FIG4: variants seen among roughly 807,000 people sequenced by gnomAD.
The protein encoded by FIG4 is FIG4 phosphoinositide 5-phosphatase.
FIG4 carries 112 observed loss-of-function variants against 118.6 expected under a neutral mutation model. The observed-to-expected ratio is 0.94, with a 90% CI of 0.81 to 1.11. The LOEUF is 1.11. FIG4 is among the 50% of genes least tolerant of loss of function. FIG4 has a pLI of 0.00. For missense variants in FIG4, 969 were observed against 1,111.7 expected, an observed-to-expected ratio of 0.87 and a Z score of 1.83; for synonymous variants, 369 against 381.2, an observed-to-expected ratio of 0.97 and a Z score of 0.37.
intron 22 of FIG4, among the ~76,000 whole-genome samples, chr6:109,813,254 C>T (rs1454322994): frequency 6.6e-6 from 1 of 152,044 alleles, no homozygotes; most frequent in East Asian, 1.9e-4. Context: ...CTGATATCCT[C>T]TCTCTCTCTA....
chr6:109,810,758 C>G (rs1003951042), intron 22 of FIG4, among the ~76,000 whole-genome samples: 6 of 152,178 alleles, frequency 3.9e-5, no homozygotes, highest in Admixed American at 6.5e-5. Context: ...TTTCCCTCAT[C>G]TTATTAAATA....
intron 10 of FIG4, among the ~76,000 whole-genome samples, chr6:109,758,740 A>T (rs1234624131): frequency 6.6e-6 from 1 of 152,222 alleles, no homozygotes; most frequent in Non-Finnish European, 1.5e-5. Flanking sequence ...AGAATCTACA[A>T]GGAACTTAAA....
rs755836381 is a variant in FIG4, at chr6:109,765,011, A to T, written c.1435-2A>T. 6.2e-7 allele frequency: 1 copy of T among 1,613,334 alleles called. No homozygotes were observed. Among genetic ancestry groups the T allele is most frequent in the South Asian group, 1.1e-5 (1 of 91,068 alleles). On this transcript the variant is annotated splice_acceptor_variant, in intron 13 of 22. Coordinates refer to ENST00000230124, the MANE Select transcript of FIG4 (RefSeq NM_014845.6). LOFTEE classifies it high-confidence loss of function. ...TGAAAATCTTAAGGTATTTCTCTTT[A>T]GACTGGCATCCTTCGAACCAACTGT...
intron 4 of FIG4, among the ~76,000 whole-genome samples, chr6:109,728,068 T>G (rs1775875183): frequency 6.6e-6 from 1 of 152,218 alleles, no homozygotes; most frequent in Non-Finnish European, 1.5e-5. Context: ...TGATCTTGAA[T>G]CAGTATTTAA....
chr6:109,749,104 T>TGTGTGTGTG (rs1203351746), intron 10 of FIG4, among the ~76,000 whole-genome samples: 39 of 143,672 alleles, frequency 2.7e-4, no homozygotes, highest in East Asian at 7.9e-4. Context: ...TGTGTGTGTG[T>TGTGTGTGTG]TTTAAATCAA....
In FIG4 at chr6:109,760,337, C is replaced by T. The variant is rs748995164; in HGVS notation, c.1225C>T (p.His409Tyr). The change falls in exon 11 of 23, where the codon CAC becomes TAC. Residue 409 changes from histidine to tyrosine, a missense_variant. By Grantham distance (83) the His-to-Tyr change is moderately conservative. Around this residue, in one of 3 missense-constraint regions of FIG4, gnomAD observed 246 missense variants for 354.3 expected, o/e 0.69. Transcript: ENST00000230124. Reference protein sequence around the residue: ...TYLNQFLPPEHTIVYIPWDMA... With the variant: ...TYLNQFLPPEYTIVYIPWDMA... ...TCTCAACCAATTTTTGCCTCCTGAG[C>T]ACACTATTGTTTATATTCCCTGGGA... 1 of 1,612,484 alleles carries T rather than the reference C, an allele frequency of 6.2e-7. No individual in the cohort carries two copies. The highest frequency in any genetic ancestry group is 8.5e-7 in the Non-Finnish European group (1 of 1,178,518).
chr6:109,745,487 G>T (rs1562658130), intron 10 of FIG4, among the ~76,000 whole-genome samples: 1 of 151,958 alleles, frequency 6.6e-6, no homozygotes, highest in Non-Finnish European at 1.5e-5. Context: ...TTTTTGATGG[G>T]GTTGTTTTTT....
At chr6:109,759,981 T>C (rs1220923308) in intron 10 of FIG4, among the ~76,000 whole-genome samples, 1 of 152,112 alleles carries the variant, frequency 6.6e-6, no homozygotes. Flanking sequence ...CCACGTTGGG[T>C]AAGCTGGGTT....
chr6:109,731,380 A>G (rs1240944840), intron 4 of FIG4, among the ~76,000 whole-genome samples: 1 of 152,206 alleles, frequency 6.6e-6, no homozygotes, highest in East Asian at 1.9e-4. Flanking sequence ...ATGGGAAAAC[A>G]TGCATGGGAT....
At chr6:109,746,958 C>T (rs143269499) in intron 10 of FIG4, among the ~76,000 whole-genome samples, 112 of 152,068 alleles carry the variant, frequency 7.4e-4, no homozygotes, top group African/African-American at 2.6e-3. Flanking sequence ...GCTCAATTCT[C>T]AGGTTTCTGG....
At chr6:109,718,742 G>A (rs572627663) in intron 3 of FIG4, among the ~76,000 whole-genome samples, 6 of 152,184 alleles carry the variant, frequency 3.9e-5, no homozygotes, top group South Asian at 2.1e-4. Context: ...TATGTGTCAC[G>A]TGAGTTCATG....
intron 3 of FIG4, 57 bp downstream of exon 3, chr6:109,716,625 C>G: frequency 6.3e-7 from 1 of 1,592,358 alleles, no homozygotes; most frequent in Non-Finnish European, 8.6e-7. Context: ...GTCTTCTCTA[C>G]ATAGACTACT....
chr6:109,772,057 C>T (rs986790532), intron 15 of FIG4, among the ~76,000 whole-genome samples: 1 of 152,210 alleles, frequency 6.6e-6, no homozygotes, highest in Non-Finnish European at 1.5e-5. Flanking sequence ...TTGGCAACTG[C>T]CCTGCCATGA....
chr6:109,694,911 G>T (rs1330303935), intron 1 of FIG4, among the ~76,000 whole-genome samples: 1 of 152,152 alleles, frequency 6.6e-6, no homozygotes, highest in Non-Finnish European at 1.5e-5. Flanking sequence ...AGTTAAAATG[G>T]CTATTTTCAA....
At chr6:109,779,042 T>G (rs1356620426) in intron 16 of FIG4, among the ~76,000 whole-genome samples, 1 of 152,178 alleles carries the variant, frequency 6.6e-6, no homozygotes, top group East Asian at 1.9e-4. Context: ...TTACTGTCCC[T>G]ATAAATGGAG....
At chr6:109,741,750 T>G (rs1178870922) in intron 8 of FIG4, among the ~76,000 whole-genome samples, 2 of 152,150 alleles carry the variant, frequency 1.3e-5, no homozygotes, top group African/African-American at 4.8e-5. Flanking sequence ...GTCTCTTACA[T>G]AATATGGCCT....
chr6:109,748,540 G>A (rs1776578595), intron 10 of FIG4, among the ~76,000 whole-genome samples: 1 of 152,144 alleles, frequency 6.6e-6, no homozygotes, highest in African/African-American at 2.4e-5. Flanking sequence ...ATGAATTGGT[G>A]TAAGATGTGA....
chr6:109,754,550 G>C (rs1776820303), intron 10 of FIG4, among the ~76,000 whole-genome samples: 1 of 152,172 alleles, frequency 6.6e-6, no homozygotes, highest in Non-Finnish European at 1.5e-5. Context: ...GTAGAATTTT[G>C]CTGTGAATCC....
intron 21 of FIG4, among the ~76,000 whole-genome samples, chr6:109,795,118 TTTTTTTTTTTTTTTTTTG>T (rs1778246821): frequency 1.7e-5 from 2 of 117,546 alleles, no homozygotes; most frequent in African/African-American, 3.2e-5. Flanking sequence ...TTTTTTTTTT[TTTTTTTTTTTTTTTTTTG>T]AGACGGAGTC....
Sources: gnomAD v4.1 joint callset for allele counts (sites outside exome capture counted in the v4.1 genomes callset) on GRCh38, gnomAD v4.1.1 for gene constraint, gnomAD v4.1.1 regional missense constraint, MANE v1.5 for transcripts, NCBI Gene and HGNC (gene_info 2026-07-23, HGNC 2026-07-21) for gene names.